NDST4: variants seen among roughly 807,000 people sequenced by gnomAD.
NDST4 encodes the protein N-deacetylase and N-sulfotransferase 4, also known as N-heparan sulfate sulfotransferase 4.
NDST4 carries 63 observed loss-of-function variants against 100.8 expected under a neutral mutation model. The observed-to-expected ratio is 0.62, with a 90% CI of 0.51 to 0.77. The LOEUF (loss-of-function observed/expected upper bound fraction) is 0.77, where lower values mean the gene tolerates loss of function less well. Ranked by LOEUF, NDST4 falls within the 30% of genes least tolerant of loss-of-function variation. The pLI is 0.00. For synonymous variants in NDST4, 377 were observed against 361.8 expected (o/e 1.04, Z -0.48); for missense variants, 943 against 1,018.4 (o/e 0.93, Z 1.01).
chr4:114,833,430 T>C (rs548346610), intron 12 of NDST4, among the ~76,000 whole-genome samples, 176 bp downstream of exon 12: 1 of 152,250 alleles, frequency 6.6e-6, no homozygotes, highest in African/African-American at 2.4e-5. Flanking sequence ...ATAAAGTATT[T>C]CTCATATTTA....
chr4:114,865,331 G>A (rs772834299), intron 7 of NDST4, among the ~76,000 whole-genome samples: 2 of 152,096 alleles, frequency 1.3e-5, no homozygotes, highest in African/African-American at 2.4e-5. Flanking sequence ...CCAAAGTGCC[G>A]GGATTATAGG....
intron 2 of NDST4, among the ~76,000 whole-genome samples, chr4:115,006,089 GAAAT>G (rs1425062443): frequency 2.2e-4 from 30 of 135,582 alleles, no homozygotes; most frequent in African/African-American, 8.2e-4. Flanking sequence ...AGAGAGAAAA[GAAAT>G]AAAGAAAGAA....
chr4:115,051,830 C>G (rs1223429022), intron 2 of NDST4, among the ~76,000 whole-genome samples: 1 of 152,014 alleles, frequency 6.6e-6, no homozygotes, highest in Non-Finnish European at 1.5e-5. Flanking sequence ...TTTGAGGAGC[C>G]TCTACACTAT....
chr4:114,991,326 T>TC (rs1727035345), intron 2 of NDST4, among the ~76,000 whole-genome samples: 1 of 152,060 alleles, frequency 6.6e-6, no homozygotes, highest in Non-Finnish European at 1.5e-5. Context: ...GCCTTGTGGA[T>TC]CAATACCACT....
chr4:114,986,500 T>C (rs1012271464), intron 2 of NDST4, among the ~76,000 whole-genome samples: 1 of 152,058 alleles, frequency 6.6e-6, no homozygotes, highest in Non-Finnish European at 1.5e-5. Flanking sequence ...CTCCCTGAGA[T>C]CAGAAAATTT....
chr4:114,937,577 C>G, intron 4 of NDST4, 74 bp from the exon 5 acceptor site: 1 of 1,238,540 alleles, frequency 8.1e-7, no homozygotes, highest in Non-Finnish European at 1.1e-6. Flanking sequence ...CCACCAACAT[C>G]TATTTAGAAT....
intron 2 of NDST4, among the ~76,000 whole-genome samples, chr4:114,980,017 G>T (rs542321550): frequency 1.3e-5 from 2 of 151,800 alleles, no homozygotes; most frequent in African/African-American, 2.4e-5. Context: ...AAAAAAATCA[G>T]AAATAAATTT....
At chr4:114,922,064 C>G (rs901525856) in intron 6 of NDST4, among the ~76,000 whole-genome samples, 9 of 152,114 alleles carry the variant, frequency 5.9e-5, no homozygotes, top group African/African-American at 2.2e-4. Context: ...TTCCAGTCAC[C>G]AGGAATGTCC....
intron 6 of NDST4, among the ~76,000 whole-genome samples, chr4:114,900,218 C>CT (rs138546049): frequency 0.056 from 8,532 of 151,290 alleles, 296 homozygotes; most frequent in East Asian, 0.15. Context: ...TGAATCCTCT[C>CT]TTTTTTTTTC....
intron 6 of NDST4, among the ~76,000 whole-genome samples, chr4:114,893,064 G>A (rs1481853152): frequency 2.0e-5 from 3 of 151,952 alleles, no homozygotes; most frequent in Non-Finnish European, 4.4e-5. Context: ...TCCCTGCAGA[G>A]GACATGATCT....
rs1439208515 is a variant in NDST4, at chr4:115,008,034, G to A, written c.979-30760C>T. 3.1e-5 allele frequency among the ~76,000 whole-genome samples: 4 copies of A among 129,328 alleles called. 1 individual carries two copies. The highest frequency in any genetic ancestry group is 5.0e-4 in the East Asian group (2 of 4,028). 84.8% of individuals were successfully genotyped at this position (129,328 alleles called of 152,430 possible). On this transcript the variant is annotated intron_variant, in intron 2 of 13. Transcript: ENST00000264363. ...CTTTTCAACTAAATTAGAAACCCTG[G>A]GAATGACCTACAGGCCAGTGAGTTT...
intron 2 of NDST4, among the ~76,000 whole-genome samples, chr4:115,058,154 T>A (rs1232662394): frequency 6.6e-6 from 1 of 152,152 alleles, no homozygotes. Flanking sequence ...ACAAAGGCAA[T>A]GTGTCTCCTC....
intron 2 of NDST4, among the ~76,000 whole-genome samples, chr4:115,024,390 G>T (rs1279688585): frequency 1.3e-5 from 2 of 152,060 alleles, no homozygotes; most frequent in Non-Finnish European, 2.9e-5. Flanking sequence ...GAGGCCTTGG[G>T]GGATGCAGGA....
chr4:115,005,265 T>C (rs1379001236), intron 2 of NDST4, among the ~76,000 whole-genome samples: 1 of 152,164 alleles, frequency 6.6e-6, no homozygotes, highest in Non-Finnish European at 1.5e-5. Flanking sequence ...AGACAGTCTA[T>C]AGACCTAATA....
chr4:115,081,574 ATTAATTT>A (rs1464168203), intron 1 of NDST4, among the ~76,000 whole-genome samples: 1 of 152,186 alleles, frequency 6.6e-6, no homozygotes, highest in Non-Finnish European at 1.5e-5. Context: ...GACAATTGAG[ATTAATTT>A]TCAAAAGGCA....
intron 2 of NDST4, among the ~76,000 whole-genome samples, chr4:115,007,608 A>C (rs1727449099): frequency 1.5e-5 from 1 of 67,356 alleles, no homozygotes; most frequent in Admixed American, 1.5e-4. Flanking sequence ...TGATACAACC[A>C]AGAGATAGAA....
intron 6 of NDST4, among the ~76,000 whole-genome samples, chr4:114,934,531 G>A (rs1221785374): frequency 1.3e-5 from 2 of 149,806 alleles, no homozygotes; most frequent in African/African-American, 2.5e-5. Flanking sequence ...TCCAGCCTGG[G>A]CAACAGAGCG....
chr4:115,071,093 A>G (rs1426200157), intron 2 of NDST4, among the ~76,000 whole-genome samples: 1 of 152,122 alleles, frequency 6.6e-6, no homozygotes, highest in African/African-American at 2.4e-5. Flanking sequence ...CAATAAATAG[A>G]GCAAGACTCC....
chr4:114,970,450 G>A lies in NDST4; in HGVS notation c.1201C>T (p.Leu401Phe), dbSNP rs1726486289. ...CTCACCAGTGCAAATTCCTTGTTGA[G>A]AATCATCTGCTCTACTAAAGATGAC... ...NESSLVEQMI[L>F]NKEFALEHGI... The change falls in exon 4 of 14, where the codon CTC (leucine) becomes TTC (phenylalanine). Residue 401 changes from leucine (L) to phenylalanine (F), a missense_variant. By Grantham distance (22) the Leu-to-Phe change is conservative (BLOSUM62 0). Coordinates refer to ENST00000264363, the MANE Select transcript of NDST4 (RefSeq NM_022569.3). 3.1e-6 allele frequency: 5 copies of A among 1,613,438 alleles called. No individual in the cohort carries two copies. Among genetic ancestry groups the A allele is most frequent in the South Asian group, 2.2e-5 (2 of 90,994 alleles).
Sources: gnomAD v4.1 joint callset for allele counts (sites outside exome capture counted in the v4.1 genomes callset) on GRCh38, gnomAD v4.1.1 for gene constraint, MANE v1.5 for transcripts, NCBI Gene and HGNC (gene_info 2026-07-23, HGNC 2026-07-21) for gene names.